Variants in KHDRBS2 observed in about 807,000 individuals in gnomAD.
KHDRBS2 encodes KH RNA binding domain containing, signal transduction associated 2.
In KHDRBS2, 26 loss-of-function variants were observed where a neutral mutation model predicts 44.3. The ratio of observed to expected loss-of-function variants is 0.59; its 90% CI spans 0.43 to 0.81. The LOEUF (loss-of-function observed/expected upper bound fraction) is 0.81, where lower values mean the gene tolerates loss of function less well. Among genes scored for constraint, KHDRBS2 ranks in the 40% least tolerant of loss-of-function variants. The pLI is 0.00. For missense variants in KHDRBS2, 476 were observed against 433.1 expected, an observed-to-expected ratio of 1.10 and a Z score of -0.88; for synonymous variants, 194 against 151.1, an observed-to-expected ratio of 1.28 and a Z score of -2.08.
chr6:61,661,577 C>G, the KHDRBS2 span, among the ~76,000 whole-genome samples: 1 of 151,872 alleles, frequency 6.6e-6, no homozygotes, highest in Non-Finnish European at 1.5e-5. Context: ...AACACTTTCA[C>G]TTTCAGCAGT....
chr6:61,684,522 T>A (rs2127539183), intron 8 of KHDRBS2, among the ~76,000 whole-genome samples: 1 of 151,970 alleles, frequency 6.6e-6, no homozygotes, highest in Non-Finnish European at 1.5e-5. Context: ...TTCCTACGAA[T>A]TTTAGAGTCC....
chr6:61,829,636 C>T (rs1463518244), intron 6 of KHDRBS2, among the ~76,000 whole-genome samples: 2 of 151,934 alleles, frequency 1.3e-5, no homozygotes, highest in Non-Finnish European at 2.9e-5. Flanking sequence ...GTGGGAAACA[C>T]AGATATTTAT....
chr6:61,816,973 C>T (rs564165024), intron 6 of KHDRBS2: 105 of 455,528 alleles, frequency 2.3e-4, no homozygotes, highest in South Asian at 1.2e-3. Context: ...ATTTTGCCAC[C>T]GTATCAAAAA....
At chr6:61,944,657 G>GAT (rs1812829034) in intron 4 of KHDRBS2, among the ~76,000 whole-genome samples, 1 of 152,038 alleles carries the variant, frequency 6.6e-6, no homozygotes. Flanking sequence ...GAGAGGACTT[G>GAT]AAATGTTGCC....
At chr6:61,993,123 A>G (rs1264620139) in intron 3 of KHDRBS2, among the ~76,000 whole-genome samples, 2 of 152,184 alleles carry the variant, frequency 1.3e-5, no homozygotes, top group Non-Finnish European at 2.9e-5. Context: ...GTTTTTGGGA[A>G]AAGTGTAAAG....
At chr6:62,208,306 T>A (rs1448985618) in intron 1 of KHDRBS2, among the ~76,000 whole-genome samples, 1 of 152,152 alleles carries the variant, frequency 6.6e-6, no homozygotes, top group Non-Finnish European at 1.5e-5. Flanking sequence ...CATAGTGCGC[T>A]ACAGTCCTGA....
At chr6:61,774,604 A>G (rs1339118839) in intron 6 of KHDRBS2, among the ~76,000 whole-genome samples, 1 of 152,166 alleles carries the variant, frequency 6.6e-6, no homozygotes, top group Admixed American at 6.5e-5. Flanking sequence ...GAGAAGTTGA[A>G]TCTCTGAATA....
chr6:61,771,916 A>T (rs574860064), intron 6 of KHDRBS2, among the ~76,000 whole-genome samples: 69 of 152,276 alleles, frequency 4.5e-4, no homozygotes, highest in South Asian at 4.1e-4. Flanking sequence ...ACCTACTCCA[A>T]AATTGACCAC....
At position 62,102,999 on chromosome 6, in the gene KHDRBS2, C is replaced by T. The variant is rs532807274; in HGVS notation, c.220-55005G>A. ...GAAGTGTGTACCTCCCTTCCACAGG[C>T]AGTTGTACCTGATTCTGACTGAGTC... is the stretch of plus-strand genomic sequence containing the variant. On this transcript the variant is annotated intron_variant, in intron 2 of 8. Coordinates refer to ENST00000281156, the MANE Select transcript of KHDRBS2 (RefSeq NM_152688.4). 1.1e-4 allele frequency among the ~76,000 whole-genome samples: 16 copies of T among 152,294 alleles called. 1 individual carries two copies. In the South Asian group the frequency reaches 3.1e-3, roughly 30 times the overall value.
intron 6 of KHDRBS2, among the ~76,000 whole-genome samples, chr6:61,840,200 T>C (rs1013908035): frequency 3.3e-5 from 5 of 152,084 alleles, no homozygotes; most frequent in African/African-American, 1.2e-4. Context: ...TAAAATTGCA[T>C]GCATTAAAAT....
At chr6:61,812,688 G>A (rs1788312999) in intron 6 of KHDRBS2, among the ~76,000 whole-genome samples, 1 of 151,808 alleles carries the variant, frequency 6.6e-6, no homozygotes, top group South Asian at 2.1e-4. Context: ...GCAATAAAAG[G>A]ATAAAATATA....
At chr6:61,754,915 C>T (rs1778264569) in intron 6 of KHDRBS2, among the ~76,000 whole-genome samples, 1 of 152,160 alleles carries the variant, frequency 6.6e-6, no homozygotes, top group South Asian at 2.1e-4. Context: ...ACACTTTCAA[C>T]ATCAGGTATT....
intron 1 of KHDRBS2, among the ~76,000 whole-genome samples, chr6:62,257,589 C>G (rs1373603234): frequency 6.6e-6 from 1 of 151,992 alleles, no homozygotes; most frequent in African/African-American, 2.4e-5. Context: ...AGTCTTCAAG[C>G]AGTTTGTTTT....
At chr6:62,031,418 G>A (rs1314450257) in intron 3 of KHDRBS2, among the ~76,000 whole-genome samples, 6 of 152,030 alleles carry the variant, frequency 3.9e-5, no homozygotes, top group Non-Finnish European at 7.4e-5. Context: ...GTGGGCCACA[G>A]TGAAATACAG....
At chr6:61,600,975 A>T in the KHDRBS2 span, among the ~76,000 whole-genome samples, 1 of 152,192 alleles carries the variant, frequency 6.6e-6, no homozygotes, top group Admixed American at 6.5e-5. Context: ...TCGGGAAGAC[A>T]GTCTTCCCTT....
At chr6:61,932,316 T>C (rs1333705879) in intron 4 of KHDRBS2, among the ~76,000 whole-genome samples, 1 of 152,208 alleles carries the variant, frequency 6.6e-6, no homozygotes, top group Non-Finnish European at 1.5e-5. Context: ...GTTCTATGTT[T>C]TTCAGGAATA....
At chr6:61,830,817 A>G (rs1791674050) in intron 6 of KHDRBS2, among the ~76,000 whole-genome samples, 1 of 152,218 alleles carries the variant, frequency 6.6e-6, no homozygotes, top group Non-Finnish European at 1.5e-5. Context: ...GCTTGCTATT[A>G]GTCATGATAA....
intron 2 of KHDRBS2, among the ~76,000 whole-genome samples, chr6:62,066,055 C>A (rs1365204400): frequency 3.3e-5 from 5 of 151,606 alleles, no homozygotes; most frequent in African/African-American, 1.2e-4. Flanking sequence ...AAAGACACGT[C>A]TTTGCCATAT....
the KHDRBS2 span, among the ~76,000 whole-genome samples, chr6:61,664,734 A>G: frequency 2.0e-5 from 3 of 151,720 alleles, no homozygotes; most frequent in African/African-American, 7.2e-5. Flanking sequence ...TTTAAAGTTG[A>G]CTGCTTTTGA....
Sources: allele counts gnomAD v4.1 joint callset (sites outside exome capture counted in the v4.1 genomes callset), GRCh38; gene constraint gnomAD v4.1.1; transcripts MANE v1.5; gene names NCBI Gene and HGNC (gene_info 2026-07-23, HGNC 2026-07-21).